Variants in COPS2 observed in about 807,000 individuals in gnomAD.
The protein encoded by COPS2 is COP9 signalosome complex subunit 2.
COPS2 carries 10 observed loss-of-function variants against 66.1 expected under a neutral mutation model. That is an observed-to-expected ratio of 0.15 (90% CI 0.09 to 0.26). COPS2 has a LOEUF of 0.26. Among genes scored for constraint, COPS2 ranks in the 10% least tolerant of loss-of-function variants. The pLI is 1.00. For synonymous variants in COPS2, 179 were observed against 171.3 expected, an observed-to-expected ratio of 1.04 and a Z score of -0.35; for missense variants, 215 against 513.3, an observed-to-expected ratio of 0.42 and a Z score of 5.62.
At position 49,124,901 on chromosome 15, in the gene COPS2, T is replaced by G. The variant is rs2141119537; in HGVS notation, c.*3049A>C. On this transcript the variant is annotated 3_prime_UTR_variant, in exon 13 of 13. Transcript: ENST00000388901. The stretch of plus-strand genomic sequence containing the variant: ...AGGGAATCCACTAGGCAAATAATTT[T>G]TTGTCTTATGGACTAACTGCTTCAC... The G allele has an allele frequency of 6.6e-6, 1 of 152,298 alleles. No individual in the cohort carries two copies. The highest frequency in any genetic ancestry group is 2.4e-5 in the African/African-American group (1 of 41,558). The allele number at this position is 152,298 out of a possible 1,614,324, so 9.4% of individuals were successfully genotyped here. A position where few individuals can be genotyped will look rare whatever the true frequency, so the allele number is the denominator to read the frequency against.
intron 3 of COPS2, 59 bp downstream of exon 3, chr15:49,144,168 G>A (rs895409494): frequency 8.6e-6 from 9 of 1,041,452 alleles, no homozygotes; most frequent in Admixed American, 1.8e-5. Context: ...GTACTTTGTC[G>A]TGATGAGGTT....
intron 9 of COPS2, among the ~76,000 whole-genome samples, chr15:49,132,635 A>G (rs2084220052): frequency 6.6e-6 from 1 of 151,184 alleles, no homozygotes. Flanking sequence ...CAGCTGTGGT[A>G]AAACTCAGCT....
At chr15:49,143,843 G>T (rs935062832) in intron 3 of COPS2, among the ~76,000 whole-genome samples, 7 of 152,064 alleles carry the variant, frequency 4.6e-5, no homozygotes, top group Non-Finnish European at 8.8e-5. Flanking sequence ...AAAATTAGCT[G>T]GGCATGGTGG....
intron 1 of COPS2, among the ~76,000 whole-genome samples, chr15:49,147,876 TAAACAA>T (rs2084332274): frequency 1.3e-5 from 2 of 152,208 alleles, no homozygotes; most frequent in Admixed American, 1.3e-4. Context: ...ATTCAACTCT[TAAACAA>T]ATGTTATTGC....
intron 3 of COPS2, among the ~76,000 whole-genome samples, chr15:49,141,331 T>C (rs576986058): frequency 6.6e-6 from 1 of 152,124 alleles, no homozygotes; most frequent in African/African-American, 2.4e-5. Context: ...ACCCCGTCTT[T>C]ACAAAAAACA....
intron 1 of COPS2, among the ~76,000 whole-genome samples, chr15:49,152,117 A>G (rs1386635548): frequency 6.6e-6 from 1 of 151,840 alleles, no homozygotes; most frequent in East Asian, 1.9e-4. Flanking sequence ...ATTTTTTATA[A>G]AAATAAATCT....
chr15:49,131,847 A>G (rs12905094), intron 9 of COPS2, among the ~76,000 whole-genome samples: 38,171 of 152,156 alleles, frequency 0.25, 5,965 homozygotes, highest in Non-Finnish European at 0.35. Flanking sequence ...TTTCAAAAAA[A>G]ACATCTTATA....
chr15:49,134,404 G>A lies in COPS2; in HGVS notation c.651C>T (p.Leu217=). 1.9e-6 allele frequency: 3 copies of A among 1,613,674 alleles called. No homozygotes were observed. The highest frequency in any genetic ancestry group is 1.7e-6 in the Non-Finnish European group (2 of 1,179,928). ...ACTTGATGTGAAGTGACTGTTCATAGAGTGCTTTAAGTTTTTTGTTATTTT... is the reference window on the plus strand; with the variant it reads ...ACTTGATGTGAAGTGACTGTTCATAAAGTGCTTTAAGTTTTTTGTTATTTT... ...AQKNNKKLKA[L]YEQSLHIKSA... is the part of the protein sequence containing the mutation. Residue 217 remains leucine (L), a synonymous_variant, in exon 7 of 13, where the codon CTC becomes CTT. Transcript: ENST00000388901.
At chr15:49,137,259 T>C (rs977841851) in intron 5 of COPS2, 32 bp from the exon 6 acceptor site, 1 of 1,559,594 alleles carries the variant, frequency 6.4e-7, no homozygotes, top group Non-Finnish European at 8.7e-7. Context: ...AAAATCAAGA[T>C]TTCAACAGAA....
intron 1 of COPS2, among the ~76,000 whole-genome samples, chr15:49,147,325 G>C (rs1201487414): frequency 6.6e-6 from 1 of 152,062 alleles, no homozygotes; most frequent in Non-Finnish European, 1.5e-5. Context: ...AAAATGAAAA[G>C]TATTTCTGAT....
At chr15:49,134,628 C>T (rs2084237718) in intron 6 of COPS2, 114 bp from the exon 7 acceptor site, 3 of 859,272 alleles carry the variant, frequency 3.5e-6, no homozygotes, top group East Asian at 2.7e-5. Flanking sequence ...AAACACAACA[C>T]AAATTTTAAT....
rs2084141412 is a variant in COPS2, at chr15:49,123,625, TG to T, written c.*4324del. 1 of 152,208 alleles carries T rather than the reference TG, an allele frequency of 6.6e-6. No individual in the cohort carries two copies. The allele number at this position is 152,208 out of a possible 1,614,324, so 9.4% of individuals were successfully genotyped here. ...AAATTCTGAGCAAAGTTCATAATTT[TG>T]CCAACACGGAACAAAGTTGCCCCCG... On this transcript the variant is annotated 3_prime_UTR_variant, in exon 13 of 13. Coordinates refer to ENST00000388901, the MANE Select transcript of COPS2 (RefSeq NM_004236.4).
At chr15:49,136,743 C>A (rs2084254863) in intron 6 of COPS2, among the ~76,000 whole-genome samples, 1 of 152,052 alleles carries the variant, frequency 6.6e-6, no homozygotes, top group African/African-American at 2.4e-5. Context: ...AATCCCAGCA[C>A]TTTGGGTGGC....
intron 1 of COPS2, among the ~76,000 whole-genome samples, chr15:49,150,319 A>G (rs920818687): frequency 6.6e-6 from 1 of 151,880 alleles, no homozygotes; most frequent in African/African-American, 2.4e-5. Context: ...TTATTTGCAG[A>G]CATTTTTCTA....
intron 1 of COPS2, among the ~76,000 whole-genome samples, chr15:49,151,547 C>A (rs1021999750): frequency 1.3e-5 from 2 of 152,040 alleles, no homozygotes; most frequent in African/African-American, 4.8e-5. Flanking sequence ...GATTGGACTG[C>A]GGAATTAAAA....
intron 3 of COPS2, among the ~76,000 whole-genome samples, chr15:49,142,615 G>A (rs2084296260): frequency 2.0e-5 from 3 of 152,186 alleles, no homozygotes; most frequent in Admixed American, 1.3e-4. Flanking sequence ...GCTCATCTGA[G>A]CTTCAACTTC....
chr15:49,148,917 A>G (rs1003394754), intron 1 of COPS2, among the ~76,000 whole-genome samples: 1 of 152,346 alleles, frequency 6.6e-6, no homozygotes, highest in Admixed American at 6.5e-5. Flanking sequence ...CAGAATAGGA[A>G]ATCTAGAAGT....
rs200813588 is a variant in COPS2 at position 49,128,019 on chromosome 15, A to G, written c.1263T>C (p.Tyr421=). The G allele has an allele frequency of 8.2e-5, 133 of 1,613,838 alleles. No individual in the cohort carries two copies. The highest frequency in any genetic ancestry group is 5.0e-4 in the Admixed American group (30 of 59,988). Residue 421 remains tyrosine, a synonymous_variant, in exon 13 of 13, where the codon TAT becomes TAC. Coordinates refer to ENST00000388901, the MANE Select transcript of COPS2 (RefSeq NM_004236.4). The part of the protein sequence containing the change: ...LDHQKRGGAR[Y]TALDKWTNQL... ...GGTTGGTCCATTTATCTAGTGCAGTATATCGTGCACCACCCCTCTTCTGAT... is the reference window on the plus strand; with the variant it reads ...GGTTGGTCCATTTATCTAGTGCAGTGTATCGTGCACCACCCCTCTTCTGAT...
At chr15:49,146,315 G>C (rs960131029) in intron 1 of COPS2, among the ~76,000 whole-genome samples, 1 of 151,804 alleles carries the variant, frequency 6.6e-6, no homozygotes, top group Non-Finnish European at 1.5e-5. Flanking sequence ...CTTCTTTTAG[G>C]GACAAGATGA....
Sources: gnomAD v4.1 joint callset for allele counts (sites outside exome capture counted in the v4.1 genomes callset) on GRCh38, gnomAD v4.1.1 for gene constraint, MANE v1.5 for transcripts, NCBI Gene and HGNC (gene_info 2026-07-23, HGNC 2026-07-21) for gene names.